SLC45A1: variants seen among roughly 807,000 people sequenced by gnomAD.
SLC45A1 encodes the protein proton-associated sugar transporter A.
In SLC45A1, 28 loss-of-function variants were observed where a neutral mutation model predicts 57.6. The ratio of observed to expected loss-of-function variants is 0.49; its 90% CI spans 0.36 to 0.67. SLC45A1 has a LOEUF of 0.67. Among genes scored for constraint, SLC45A1 ranks in the 30% least tolerant of loss-of-function variants. The pLI, the probability that SLC45A1 is intolerant of heterozygous loss-of-function variation, is 0.00. For synonymous variants in SLC45A1, 459 were observed against 471.5 expected, an observed-to-expected ratio of 0.97 and a Z score of 0.34; for missense variants, 814 against 1,041.5, an observed-to-expected ratio of 0.78 and a Z score of 3.01.
At chr1:8,337,739 T>G in intron 6 of SLC45A1, 77 bp from the exon 7 acceptor site, 1 of 1,346,774 alleles carries the variant, frequency 7.4e-7, no homozygotes. Flanking sequence ...TTATAACCAG[T>G]AGACGCATGT....
At chr1:8,320,013 C>T (rs552453649) in intron 1 of SLC45A1, among the ~76,000 whole-genome samples, 5 of 152,132 alleles carry the variant, frequency 3.3e-5, no homozygotes, top group South Asian at 4.1e-4. Flanking sequence ...CCACTGTGCC[C>T]GGTCTCAAAA....
chr1:8,338,064 G>T, intron 7 of SLC45A1, 72 bp downstream of exon 7: 1 of 1,416,274 alleles, frequency 7.1e-7, no homozygotes, highest in Non-Finnish European at 9.7e-7. Flanking sequence ...CGAAATGAAG[G>T]CAGGTTCATG....
In SLC45A1 at chr1:8,332,882, A is replaced by G. The variant is rs560702862; in HGVS notation, c.1443+1946A>G. 3.9e-5 allele frequency among the ~76,000 whole-genome samples: 6 copies of G among 152,236 alleles called. No individual in the cohort carries two copies. In the South Asian group the frequency reaches 1.0e-3, roughly 26 times the overall value. The stretch of plus-strand genomic sequence containing the variant: ...GTAGACATAAGAGTTGCTGGCCTGC[A>G]CCTGTGGGCGTTGCAGGAGGAGAGT... On this transcript the variant is annotated intron_variant, in intron 5 of 8. Transcript: ENST00000471889.
intron 8 of SLC45A1, 87 bp downstream of exon 8, chr1:8,339,785 T>C: frequency 8.0e-7 from 1 of 1,249,878 alleles, no homozygotes; most frequent in Non-Finnish European, 1.2e-6. Context: ...CTGCACAATC[T>C]GCAGAGCCCG....
rs1010453068 is a variant in SLC45A1, at chr1:8,330,087, G to T, written c.716-122G>T. The stretch of plus-strand genomic sequence containing the variant: ...ATTTTGTTGGGGTTTAGGTGGAACA[G>T]GTTCTGTGCCCACGTCCCTGGAATG... On this transcript the variant is annotated intron_variant, in intron 4 of 8. Transcript: ENST00000471889. The surrounding 1 kb of genome is among the most constrained non-coding windows in gnomAD (Gnocchi z 8.4). 4.0e-6 allele frequency: 5 copies of T among 1,260,974 alleles called. No homozygotes were observed. In the African/African-American group the frequency reaches 7.6e-5, roughly 19 times the overall value. The allele number at this position is 1,260,974 out of a possible 1,614,324, so 78.1% of individuals were successfully genotyped here. A position where few individuals can be genotyped will look rare whatever the true frequency, so the allele number is the denominator to read the frequency against.
intron 6 of SLC45A1, among the ~76,000 whole-genome samples, chr1:8,336,464 C>A (rs1327210788): frequency 6.6e-6 from 1 of 151,152 alleles, no homozygotes; most frequent in Non-Finnish European, 1.5e-5. Context: ...CATTGTGGGA[C>A]ATAAATCAAC....
In SLC45A1 at chr1:8,337,841, G is replaced by T; in HGVS notation, c.1623G>T (p.Leu541Phe). 1 of 1,613,954 alleles carries T rather than the reference G, an allele frequency of 6.2e-7. No homozygotes were observed. Among genetic ancestry groups the T allele is most frequent in the Non-Finnish European group, 8.5e-7 (1 of 1,179,914 alleles). Residue 541 changes from leucine to phenylalanine, a missense_variant, in exon 7 of 9, where the codon TTG becomes TTT. Leu to Phe is a conservative substitution (Grantham distance 22). Coordinates refer to ENST00000471889, the MANE Select transcript of SLC45A1 (RefSeq NM_001080397.3). Reference protein sequence around the residue: ...FLGWLSFEGMLLFYTDFMGEV... With the variant: ...FLGWLSFEGMFLFYTDFMGEV... ...GGTGGCTCTCATTCGAGGGGATGTT[G>T]CTCTTCTACACAGACTTCATGGGCG...
At chr1:8,342,015 G>A (rs1484213298) in intron 8 of SLC45A1, among the ~76,000 whole-genome samples, 2 of 152,120 alleles carry the variant, frequency 1.3e-5, no homozygotes, top group African/African-American at 4.8e-5. Context: ...AGACCATCCT[G>A]GCTAACACAG....
chr1:8,322,510 G>A (rs983882374), intron 1 of SLC45A1, among the ~76,000 whole-genome samples: 6 of 151,218 alleles, frequency 4.0e-5, no homozygotes, highest in Non-Finnish European at 7.4e-5. Flanking sequence ...CACCATTGGT[G>A]TCTTCCAAAG....
At chr1:8,321,943 G>GGA in intron 1 of SLC45A1, among the ~76,000 whole-genome samples, 1 of 120,024 alleles carries the variant, frequency 8.3e-6, no homozygotes, top group South Asian at 3.1e-4. Context: ...GGATGGATAC[G>GGA]TGGATGGGTG....
Position 8,335,658 on chromosome 1 carries a change from C to T in SLC45A1, c.1597+68C>T. The T allele has an allele frequency of 6.8e-7, 1 of 1,476,232 alleles. No individual in the cohort carries two copies. Among genetic ancestry groups the T allele is most frequent in the Non-Finnish European group, 9.0e-7 (1 of 1,108,180 alleles). 91.4% of individuals were successfully genotyped at this position (1,476,232 alleles called of 1,614,324 possible). On this transcript the variant is annotated intron_variant, in intron 6 of 8. Coordinates refer to ENST00000471889, the MANE Select transcript of SLC45A1 (RefSeq NM_001080397.3). This position sits in a 1 kb window ranked among gnomAD's most constrained non-coding sequence, Gnocchi z 4.1. The stretch of plus-strand genomic sequence containing the variant: ...CAGGGCTCTCGCCCCACTGGCCTCC[C>T]AGGATGCCCCTGAGCCTCCCTTCCC...
chr1:8,334,963 A>G (rs1640559096), intron 5 of SLC45A1, among the ~76,000 whole-genome samples: 1 of 152,020 alleles, frequency 6.6e-6, no homozygotes, highest in South Asian at 2.1e-4. Context: ...TCATGTGGGC[A>G]GGGCCGCCCT....
Position 8,324,500 on chromosome 1 carries a change from T to TCCCGGC in SLC45A1, c.174_175insGGCCCC (p.Pro58_Ser59insGlyPro). On this transcript the variant is annotated inframe_insertion, in exon 2 of 9. Coordinates refer to ENST00000471889, the MANE Select transcript of SLC45A1 (RefSeq NM_001080397.3). ...ACCCCAAGAGGAGGAAGTGCATTCG[T>TCCCGGC]CCCTCCCCACCCCCGCCCCCCAACA... 3 of 1,610,702 alleles carry TCCCGGC rather than the reference T, an allele frequency of 1.9e-6. No homozygotes were observed. The highest frequency in any genetic ancestry group is 2.5e-6 in the Non-Finnish European group (3 of 1,178,928).
chr1:8,330,551 G>A lies in SLC45A1; in HGVS notation c.1058G>A (p.Ser353Asn), dbSNP rs1024426806. The A allele has an allele frequency of 6.2e-7, 1 of 1,613,224 alleles. No homozygotes were observed. Among genetic ancestry groups the A allele is most frequent in the African/African-American group, 1.3e-5 (1 of 74,924 alleles). Residue 353 changes from serine (S) to asparagine (N), a missense_variant, in exon 5 of 9, where the codon AGC becomes AAC. Coordinates refer to ENST00000471889, the MANE Select transcript of SLC45A1 (RefSeq NM_001080397.3). This position sits in a 1 kb window ranked among gnomAD's most constrained non-coding sequence, Gnocchi z 8.4. ...ACGCCCAAGTACGGCAGCTTCATCA[G>A]CAGGGACAGCTCCCTGACGGGCATC... ...PLTPKYGSFI[S>N]RDSSLTGISE...
chr1:8,325,759 C>G lies in SLC45A1; in HGVS notation c.491-59C>G. ...AAAGATTCTAGACATAAGTCGTGAG[C>G]TGCCGGGGACAGAGCTGGTCTGCAT... On this transcript the variant is annotated intron_variant, in intron 3 of 8. Transcript: ENST00000471889. The surrounding 1 kb of genome is among the most constrained non-coding windows in gnomAD (Gnocchi z 6.3). 2 of 1,479,908 alleles carry G rather than the reference C, an allele frequency of 1.4e-6. No individual in the cohort carries two copies. The highest frequency in any genetic ancestry group is 1.9e-6 in the Non-Finnish European group (2 of 1,073,092). The allele number at this position is 1,479,908 out of a possible 1,614,324, so 91.7% of individuals were successfully genotyped here. A position where few individuals can be genotyped will look rare whatever the true frequency, so the allele number is the denominator to read the frequency against.
chr1:8,323,573 A>C (rs116584599), intron 1 of SLC45A1, among the ~76,000 whole-genome samples: 1,994 of 151,542 alleles, frequency 0.013, 45 homozygotes, highest in African/African-American at 0.046. Context: ...GTCCCTCTGC[A>C]TTCGCATGTT....
chr1:8,324,552 T>C lies in SLC45A1; in HGVS notation c.223T>C (p.Phe75Leu). ...NTPCPLELVD[F>L]GDLHPQRSFR... The stretch of plus-strand genomic sequence containing the variant: ...CCCGTGCCCGCTTGAGCTGGTGGAC[T>C]TCGGGGACCTGCACCCCCAGAGGTC... Residue 75 changes from phenylalanine (F) to leucine (L), a missense_variant, in exon 2 of 9, where the codon TTC (phenylalanine) becomes CTC (leucine). Transcript: ENST00000471889. The C allele has an allele frequency of 6.6e-7, 1 of 1,510,728 alleles. No homozygotes were observed. Among genetic ancestry groups the C allele is most frequent in the Non-Finnish European group, 8.9e-7 (1 of 1,118,336 alleles). 93.6% of individuals were successfully genotyped at this position (1,510,728 alleles called of 1,614,324 possible).
chr1:8,338,348 T>G (rs1640690067), intron 7 of SLC45A1, among the ~76,000 whole-genome samples: 1 of 152,244 alleles, frequency 6.6e-6, no homozygotes, highest in Admixed American at 6.5e-5. Flanking sequence ...CCCACTTTGA[T>G]TCAAGGAGCA....
chr1:8,334,681 C>T (rs999977620), intron 5 of SLC45A1, among the ~76,000 whole-genome samples: 3 of 152,046 alleles, frequency 2.0e-5, no homozygotes, highest in Admixed American at 6.6e-5. Flanking sequence ...CCAGCCCAGG[C>T]GACAGAGCGA....
Sources: allele counts gnomAD v4.1 joint callset (sites outside exome capture counted in the v4.1 genomes callset), GRCh38; gene constraint gnomAD v4.1.1; non-coding constraint Gnocchi (gnomAD v3.1); transcripts MANE v1.5; gene names NCBI Gene and HGNC (gene_info 2026-07-23, HGNC 2026-07-21).